The following PEX14 variants were observed in gnomAD, a reference collection of about 807,000 sequenced individuals.
PEX14 encodes the protein peroxisomal membrane protein PEX14.
In PEX14, 15 loss-of-function variants were observed where a neutral mutation model predicts 49.5. The ratio of observed to expected loss-of-function variants is 0.30; its 90% confidence interval spans 0.20 to 0.47. The LOEUF is 0.47. Ranked by LOEUF, PEX14 falls within the 20% of genes least tolerant of loss-of-function variation. PEX14 has a pLI of 1.00. For missense variants in PEX14, 398 were observed against 494.8 expected (o/e 0.80, Z 1.86); for synonymous variants, 210 against 212.7 (o/e 0.99, Z 0.11).
intron 2 of PEX14, among the ~76,000 whole-genome samples, chr1:10,533,890 C>T (rs910435327): frequency 4.6e-5 from 7 of 152,098 alleles, no homozygotes; most frequent in African/African-American, 1.4e-4. Flanking sequence ...TGATGGAATG[C>T]GCCAAGCACT....
chr1:10,622,065 C>T (rs370873584), intron 5 of PEX14, among the ~76,000 whole-genome samples: 2 of 152,216 alleles, frequency 1.3e-5, no homozygotes, highest in African/African-American at 4.8e-5. Context: ...AGTGGCTGGA[C>T]GTCAGTGCAC....
chr1:10,594,555 G>A (rs1570322658), intron 3 of PEX14, among the ~76,000 whole-genome samples: 1 of 152,332 alleles, frequency 6.6e-6, no homozygotes, highest in East Asian at 1.9e-4. Flanking sequence ...TCATTACCTT[G>A]CTTATTTTCA....
At chr1:10,592,877 C>T (rs1397043054) in intron 3 of PEX14, among the ~76,000 whole-genome samples, 2 of 152,184 alleles carry the variant, frequency 1.3e-5, no homozygotes, top group Admixed American at 6.5e-5. Flanking sequence ...TCTGGGCTCG[C>T]CTGCTGTTGT....
At chr1:10,517,402 C>T (rs1256762709) in intron 2 of PEX14, among the ~76,000 whole-genome samples, 9 of 151,962 alleles carry the variant, frequency 5.9e-5, no homozygotes, top group Non-Finnish European at 1.0e-4. Context: ...CTGATATAGC[C>T]CGTATGCAGA....
chr1:10,536,235 T>C lies in PEX14; in HGVS notation c.107T>C (p.Leu36Pro), dbSNP rs1638798426. Reference sequence around the variant, plus strand: ...CAGATTGCCACGGCAGTGAAGTTTCTACAGAATTCCCGGGTCCGCCAGAGC... The same window carrying C: ...CAGATTGCCACGGCAGTGAAGTTTCCACAGAATTCCCGGGTCCGCCAGAGC... ...EPLIATAVKFLQNSRVRQSPL... is the reference protein window; with the variant it reads ...EPLIATAVKFPQNSRVRQSPL... The change falls in exon 3 of 9, where the codon CTA becomes CCA. Residue 36 changes from leucine (L) to proline (P), a missense_variant. Coordinates refer to ENST00000356607, the MANE Select transcript of PEX14 (RefSeq NM_004565.3). 1 of 1,611,474 alleles carries C rather than the reference T, an allele frequency of 6.2e-7. No individual in the cohort carries two copies. The highest frequency in any genetic ancestry group is 8.5e-7 in the Non-Finnish European group (1 of 1,177,564).
rs143429171 is a variant in PEX14, at chr1:10,523,176, C to T, written c.85-13037C>T. ...TGTTTGGTGTTTCTGTACTAGCTGG[C>T]TCCTTCCTCTCTGTTCTTATTTGCA... On this transcript the variant is annotated intron_variant, in intron 2 of 8. Transcript: ENST00000356607. 2.8e-3 allele frequency among the ~76,000 whole-genome samples: 431 copies of T among 152,214 alleles called. 7 individuals are homozygous for T. The highest frequency in any genetic ancestry group is 0.021 in the East Asian group (111 of 5,182).
intron 2 of PEX14, among the ~76,000 whole-genome samples, chr1:10,516,599 C>G (rs1179564506): frequency 2.6e-5 from 4 of 152,296 alleles, no homozygotes; most frequent in African/African-American, 9.6e-5. Flanking sequence ...TGTTTGCAAC[C>G]CTTTCTAGTC....
At chr1:10,566,745 G>A (rs1407563873) in intron 3 of PEX14, among the ~76,000 whole-genome samples, 2 of 151,956 alleles carry the variant, frequency 1.3e-5, no homozygotes, top group African/African-American at 4.8e-5. Context: ...TCAAACTCCC[G>A]ACCTCAGGTG....
intron 2 of PEX14, among the ~76,000 whole-genome samples, chr1:10,508,320 C>A (rs1641823427): frequency 6.6e-6 from 1 of 152,126 alleles, no homozygotes; most frequent in Non-Finnish European, 1.5e-5. Flanking sequence ...CATTCTCCTG[C>A]CTCAGCCTCC....
chr1:10,503,281 C>CAAAAAAAAAAAAAAAAA (rs59342388), intron 2 of PEX14, among the ~76,000 whole-genome samples: 1 of 75,486 alleles, frequency 1.3e-5, no homozygotes, highest in Non-Finnish European at 2.3e-5. Flanking sequence ...GACTCTGTCT[C>CAAAAAAAAAAAAAAAAA]AAAAAAAAAA....
At chr1:10,534,704 A>G (rs1458646544) in intron 2 of PEX14, among the ~76,000 whole-genome samples, 2 of 152,092 alleles carry the variant, frequency 1.3e-5, no homozygotes, top group African/African-American at 2.4e-5. Context: ...GACAGATGAT[A>G]ATCTGTGCGG....
At chr1:10,594,474 C>G (rs1640774792) in intron 3 of PEX14, among the ~76,000 whole-genome samples, 1 of 152,244 alleles carries the variant, frequency 6.6e-6, no homozygotes, top group Admixed American at 6.5e-5. Flanking sequence ...TGGCCCTGTT[C>G]CCGTGATCCC....
chr1:10,476,651 C>T (rs1488626389), intron 1 of PEX14, among the ~76,000 whole-genome samples: 1 of 152,110 alleles, frequency 6.6e-6, no homozygotes, highest in Non-Finnish European at 1.5e-5. Context: ...GCCACCACAC[C>T]TGACTAATTT....
At chr1:10,555,633 C>A (rs956965884) in intron 3 of PEX14, among the ~76,000 whole-genome samples, 7 of 78,724 alleles carry the variant, frequency 8.9e-5, no homozygotes, top group Non-Finnish European at 1.6e-4. Flanking sequence ...GCAGAGCCGG[C>A]AAGGTGTGAG....
chr1:10,610,993 A>G (rs1457756592), intron 4 of PEX14, among the ~76,000 whole-genome samples: 8 of 151,988 alleles, frequency 5.3e-5, no homozygotes, highest in Non-Finnish European at 1.2e-4. Flanking sequence ...CACGCCTGTA[A>G]TCCCAGCACT....
intron 3 of PEX14, among the ~76,000 whole-genome samples, chr1:10,542,644 C>G (rs770329373): frequency 5.9e-5 from 9 of 152,098 alleles, no homozygotes; most frequent in Non-Finnish European, 8.8e-5. Context: ...GCCTGTAGTC[C>G]CAGCTACTCG....
intron 2 of PEX14, among the ~76,000 whole-genome samples, chr1:10,505,051 A>G (rs1228458060): frequency 1.3e-5 from 2 of 152,096 alleles, no homozygotes; most frequent in Admixed American, 1.3e-4. Flanking sequence ...CTCCCTCCCA[A>G]AGTGTTGGAA....
At chr1:10,528,902 C>T (rs552513158) in intron 2 of PEX14, among the ~76,000 whole-genome samples, 4 of 152,304 alleles carry the variant, frequency 2.6e-5, no homozygotes, top group East Asian at 1.9e-4. Context: ...TCACTGCTAC[C>T]GTGATCCGTG....
chr1:10,621,741 GT>G lies in PEX14; in HGVS notation c.385-1277del, dbSNP rs892996882. 1.0e-3 allele frequency among the ~76,000 whole-genome samples: 156 copies of G among 152,300 alleles called. 1 individual carries two copies. The highest frequency in any genetic ancestry group is 3.6e-3 in the African/African-American group (151 of 41,554). On this transcript the variant is annotated intron_variant, in intron 5 of 8. Coordinates refer to ENST00000356607, the MANE Select transcript of PEX14 (RefSeq NM_004565.3). ...TCAGTTGTGGGTAATAGCTCACACT[GT>G]GGTTGAAAAGCACTTTGCAAAATAG... is the stretch of plus-strand genomic sequence containing the variant.
Sources: gnomAD v4.1 joint callset for allele counts (sites outside exome capture counted in the v4.1 genomes callset) on GRCh38, gnomAD v4.1.1 for gene constraint, MANE v1.5 for transcripts, NCBI Gene and HGNC (gene_info 2026-07-23, HGNC 2026-07-21) for gene names.